The following GUCY1A2 variants were observed in gnomAD, a reference collection of about 807,000 sequenced individuals.
GUCY1A2 encodes guanylate cyclase soluble subunit alpha-2.
GUCY1A2 carries 27 observed loss-of-function variants against 63.5 expected under a neutral mutation model. The ratio of observed to expected loss-of-function variants is 0.43; its 90% CI spans 0.31 to 0.59. The LOEUF is 0.59. GUCY1A2 is among the 20% of genes least tolerant of loss of function. The pLI is 0.11. For missense variants in GUCY1A2, 768 were observed against 913.3 expected, an observed-to-expected ratio of 0.84 and a Z score of 2.05; for synonymous variants, 364 against 343.5, an observed-to-expected ratio of 1.06 and a Z score of -0.66.
intron 5 of GUCY1A2, among the ~76,000 whole-genome samples, chr11:106,806,355 A>T (rs1013625593): frequency 2.6e-5 from 4 of 152,188 alleles, no homozygotes; most frequent in African/African-American, 9.6e-5. Context: ...GGGGATGCTA[A>T]AGATTGTATT....
chr11:107,017,994 G>C lies in GUCY1A2; in HGVS notation c.62C>G (p.Thr21Ser). Residue 21 changes from threonine (T) to serine (S), a missense_variant, in exon 1 of 8, where the codon ACC becomes AGC. Around this residue, in one of 3 missense-constraint regions of GUCY1A2, gnomAD observed 496 missense variants for 486.9 expected, o/e 1.02. Transcript: ENST00000526355. ...GCACTCCCCCTCCTCCTCCGGGCTG[G>C]TCTCCAGGTAGTCGGAGCCCAGGGA... ...FSSLGSDYLE[T>S]SPEEEGECPL... 6.8e-7 allele frequency: 1 copy of C among 1,464,418 alleles called. No individual in the cohort carries two copies. 90.7% of individuals were successfully genotyped at this position (1,464,418 alleles called of 1,614,324 possible).
At chr11:106,826,898 CA>C in intron 4 of GUCY1A2, 1 of 1,607,378 alleles carries the variant, frequency 6.2e-7, no homozygotes, top group Non-Finnish European at 8.5e-7. Context: ...TCTCCTAGAT[CA>C]AAACTGTTAC....
At chr11:106,793,847 T>C (rs1363583464) in intron 5 of GUCY1A2, among the ~76,000 whole-genome samples, 1 of 152,136 alleles carries the variant, frequency 6.6e-6, no homozygotes, top group African/African-American at 2.4e-5. Context: ...AAGTCTGAGA[T>C]AACAAATGCC....
At chr11:106,782,721 C>A (rs530427243) in intron 5 of GUCY1A2, among the ~76,000 whole-genome samples, 3 of 151,934 alleles carry the variant, frequency 2.0e-5, no homozygotes, top group Admixed American at 1.3e-4. Flanking sequence ...AGGTCAATGG[C>A]GGTCTGCACA....
chr11:106,944,215 C>CAAAAAAAAAAAAAAAAAAAAAA lies in GUCY1A2; in HGVS notation c.488-4038_488-4037insTTTTTTTTTTTTTTTTTTTTTT, dbSNP rs71041701. On this transcript the variant is annotated intron_variant, in intron 3 of 7. Coordinates refer to ENST00000526355, the MANE Select transcript of GUCY1A2 (RefSeq NM_000855.3). Reference sequence around the variant, plus strand: ...GGGCAACAGAGTGAGACCCTGTCTCCAAAAAAAAAAAAAAAAAAAAAGCAG... The same window carrying CAAAAAAAAAAAAAAAAAAAAAA: ...GGGCAACAGAGTGAGACCCTGTCTCCAAAAAAAAAAAAAAAAAAAAAAAAAAAAAAAAAAAAAAAAAAAGCAG... Among the ~76,000 whole-genome samples the CAAAAAAAAAAAAAAAAAAAAAA allele has an allele frequency of 5.2e-3, 112 of 21,544 alleles. 14 individuals are homozygous for CAAAAAAAAAAAAAAAAAAAAAA. The highest frequency in any genetic ancestry group is 0.028 in the Middle Eastern group (1 of 36). The allele number at this position is 21,544 out of a possible 152,430, so 14.1% of individuals were successfully genotyped here. A position where few individuals can be genotyped will look rare whatever the true frequency, so the allele number is the denominator to read the frequency against.
intron 6 of GUCY1A2, among the ~76,000 whole-genome samples, chr11:106,736,262 T>A (rs1863587885): frequency 6.6e-6 from 1 of 152,162 alleles, no homozygotes; most frequent in Non-Finnish European, 1.5e-5. Flanking sequence ...TTTCATAGTT[T>A]GAGGTCTAAG....
At chr11:106,795,271 C>T (rs1465616292) in intron 5 of GUCY1A2, among the ~76,000 whole-genome samples, 1 of 152,152 alleles carries the variant, frequency 6.6e-6, no homozygotes, top group Non-Finnish European at 1.5e-5. Flanking sequence ...CAGTCCTCAT[C>T]TGGGCTCTCT....
At chr11:106,882,055 C>CTTTCT (rs1236989866) in intron 4 of GUCY1A2, among the ~76,000 whole-genome samples, 2 of 151,792 alleles carry the variant, frequency 1.3e-5, no homozygotes, top group African/African-American at 4.8e-5. Context: ...CTCTCATTCT[C>CTTTCT]TTTCTTTTCT....
intron 4 of GUCY1A2, among the ~76,000 whole-genome samples, chr11:106,839,551 C>T (rs1455564765): frequency 1.3e-5 from 2 of 152,000 alleles, no homozygotes; most frequent in Non-Finnish European, 2.9e-5. Context: ...TATAAAGACA[C>T]ATGCACACGT....
chr11:106,828,212 T>G (rs1025925263), intron 4 of GUCY1A2, among the ~76,000 whole-genome samples: 1 of 152,198 alleles, frequency 6.6e-6, no homozygotes, highest in Non-Finnish European at 1.5e-5. Flanking sequence ...AAGTCACATT[T>G]GTCTATTTTT....
intron 4 of GUCY1A2, among the ~76,000 whole-genome samples, chr11:106,845,341 T>G (rs1666705124): frequency 6.6e-6 from 1 of 151,522 alleles, no homozygotes; most frequent in African/African-American, 2.4e-5. Context: ...GTCCTTACAG[T>G]ATTGCTCCCC....
intron 7 of GUCY1A2, among the ~76,000 whole-genome samples, chr11:106,693,357 T>G (rs1261064328): frequency 6.6e-6 from 1 of 152,190 alleles, no homozygotes; most frequent in Non-Finnish European, 1.5e-5. Context: ...TTTTTAATCC[T>G]GGGCATGTGA....
At chr11:106,849,069 A>G (rs74827267) in intron 4 of GUCY1A2, among the ~76,000 whole-genome samples, 4,010 of 151,548 alleles carry the variant, frequency 0.026, 167 homozygotes, top group African/African-American at 0.091. Flanking sequence ...ATCTTTGCAA[A>G]CTATTTATCC....
chr11:106,825,796 A>G (rs1429013153), intron 4 of GUCY1A2, among the ~76,000 whole-genome samples: 3 of 152,336 alleles, frequency 2.0e-5, no homozygotes, highest in Admixed American at 2.0e-4. Flanking sequence ...TCAAGTTTTA[A>G]GAAAGTTTAC....
intron 4 of GUCY1A2, among the ~76,000 whole-genome samples, chr11:106,929,518 G>GT (rs1172681322): frequency 7.9e-5 from 12 of 151,780 alleles, no homozygotes; most frequent in South Asian, 2.1e-4. Flanking sequence ...CAGAATCAAA[G>GT]TTTTTTTTCA....
At chr11:106,687,863 A>G in intron 7 of GUCY1A2, 107 bp from the exon 8 acceptor site, 5 of 716,512 alleles carry the variant, frequency 7.0e-6, no homozygotes, top group Non-Finnish European at 1.2e-5. Flanking sequence ...GTTCATGGTA[A>G]TACCTCTATT....
intron 4 of GUCY1A2, among the ~76,000 whole-genome samples, chr11:106,841,538 A>G (rs1266784753): frequency 2.0e-5 from 3 of 151,922 alleles, no homozygotes; most frequent in Non-Finnish European, 4.4e-5. Context: ...TTCCATGTGC[A>G]TATTATAAAC....
chr11:106,762,288 C>T (rs1864079218), intron 6 of GUCY1A2, among the ~76,000 whole-genome samples: 2 of 152,164 alleles, frequency 1.3e-5, no homozygotes, highest in South Asian at 4.1e-4. Flanking sequence ...TAAAAGAATA[C>T]TTACTTGTGC....
chr11:106,870,319 A>G (rs1317778677), intron 4 of GUCY1A2, among the ~76,000 whole-genome samples: 2 of 152,062 alleles, frequency 1.3e-5, no homozygotes, highest in Non-Finnish European at 2.9e-5. Flanking sequence ...GCAAACATTT[A>G]CATTCATATA....
Sources: allele counts gnomAD v4.1 joint callset (sites outside exome capture counted in the v4.1 genomes callset), GRCh38; gene constraint gnomAD v4.1.1; regional missense constraint gnomAD v4.1.1; transcripts MANE v1.5; gene names NCBI Gene and HGNC (gene_info 2026-07-23, HGNC 2026-07-21).